Variants in SPI1 observed in about 807,000 individuals in gnomAD.
SPI1 encodes the protein Spi-1 proto-oncogene, also known as transcription factor PU.1.
A neutral mutation model predicts 30.7 loss-of-function variants in SPI1; 3 were observed. That is an observed-to-expected ratio of 0.10 (90% CI 0.04 to 0.25). The LOEUF is 0.25. SPI1 is among the 10% of genes least tolerant of loss of function. The pLI is 1.00. For synonymous variants in SPI1, 169 were observed against 157.1 expected (o/e 1.08, Z -0.56); for missense variants, 261 against 371.5 (o/e 0.70, Z 2.45).
At position 47,359,012 on chromosome 11, in the gene SPI1, C is replaced by T. The variant is rs757834036; in HGVS notation, c.331-6G>A. On this transcript the variant is annotated splice_region_variant and splice_polypyrimidine_tract_variant and intron_variant, in intron 3 of 4. Transcript: ENST00000378538. This position sits in a 1 kb window ranked among gnomAD's most constrained non-coding sequence, Gnocchi z 5.1. ...ATCCGGGGCAGGTAGGAGACCTGGA[C>T]GGTGGGGGAAGGAGATCAGAGTCAG... 7.8e-5 allele frequency: 118 copies of T among 1,522,030 alleles called. No homozygotes were observed. The highest frequency in any genetic ancestry group is 9.6e-5 in the Non-Finnish European group (109 of 1,136,804). The allele number at this position is 1,522,030 out of a possible 1,614,324, so 94.3% of individuals were successfully genotyped here.
At chr11:47,370,523 G>C (rs192176588) in intron 2 of SPI1, among the ~76,000 whole-genome samples, 5 of 151,370 alleles carry the variant, frequency 3.3e-5, no homozygotes, top group Non-Finnish European at 7.4e-5. Flanking sequence ...CCAACATGGC[G>C]AAACCCCATC....
At chr11:47,377,950 C>CA (rs2095944476) in intron 1 of SPI1, among the ~76,000 whole-genome samples, 1 of 152,222 alleles carries the variant, frequency 6.6e-6, no homozygotes, top group African/African-American at 2.4e-5. Context: ...CGGCCTCCCC[C>CA]AAGCCAGTCC....
At chr11:47,377,646 G>A (rs895550296) in intron 1 of SPI1, among the ~76,000 whole-genome samples, 1 of 151,926 alleles carries the variant, frequency 6.6e-6, no homozygotes, top group Non-Finnish European at 1.5e-5. Context: ...CCTTGTCCCA[G>A]CCCTGTCCCC....
At position 47,375,569 on chromosome 11, in the gene SPI1, C is replaced by T. The variant is rs2095941105; in HGVS notation, c.142+64G>A. On this transcript the variant is annotated intron_variant, in intron 2 of 4. Transcript: ENST00000378538. This position sits in a 1 kb window ranked among gnomAD's most constrained non-coding sequence, Gnocchi z 4.2. Reference sequence around the variant, plus strand: ...CCTGGGAATCATTTATTCTTTTTCTCTCTCCAGACCCCAGGAGCCCAGGCT... The same window carrying T: ...CCTGGGAATCATTTATTCTTTTTCTTTCTCCAGACCCCAGGAGCCCAGGCT... 4 of 1,244,854 alleles carry T rather than the reference C, an allele frequency of 3.2e-6. No homozygotes were observed. Among genetic ancestry groups the T allele is most frequent in the Non-Finnish European group, 4.7e-6 (4 of 853,908 alleles). The allele number at this position is 1,244,854 out of a possible 1,614,324, so 77.1% of individuals were successfully genotyped here.
intron 4 of SPI1, chr11:47,358,425 TTCA>T (rs1181360629): frequency 7.9e-6 from 5 of 631,658 alleles, no homozygotes; most frequent in Non-Finnish European, 1.4e-5. Context: ...CTGAAATACA[TTCA>T]TGTGTTGACA....
chr11:47,366,151 CAACT>C (rs2095927866), intron 2 of SPI1, among the ~76,000 whole-genome samples: 1 of 152,144 alleles, frequency 6.6e-6, no homozygotes. Flanking sequence ...ATTATCCATC[CAACT>C]ATCATCCAGC....
At position 47,378,464 on chromosome 11, in the gene SPI1, G is replaced by T; in HGVS notation, c.-111C>A. 1.7e-6 allele frequency: 2 copies of T among 1,163,680 alleles called. No individual in the cohort carries two copies. The highest frequency in any genetic ancestry group is 2.5e-6 in the Non-Finnish European group (2 of 802,782). The allele number at this position is 1,163,680 out of a possible 1,614,324, so 72.1% of individuals were successfully genotyped here. On this transcript the variant is annotated 5_prime_UTR_variant, in exon 1 of 5. Coordinates refer to ENST00000378538, the MANE Select transcript of SPI1 (RefSeq NM_003120.3). ...TGGACGGTCGTGGGGCGGGTGCAGG[G>T]CTCAGGCCTGCCCCCTGAGCTACAG...
intron 2 of SPI1, among the ~76,000 whole-genome samples, chr11:47,370,277 C>T (rs1300613351): frequency 2.0e-5 from 3 of 152,010 alleles, no homozygotes; most frequent in African/African-American, 7.3e-5. Context: ...GTGGCACACA[C>T]CTGTAATCCC....
At chr11:47,364,702 C>G (rs560915852) in intron 2 of SPI1, among the ~76,000 whole-genome samples, 3 of 152,266 alleles carry the variant, frequency 2.0e-5, no homozygotes, top group South Asian at 2.1e-4. Context: ...TGTTCTAGCT[C>G]CACATTAGAC....
In SPI1 at chr11:47,378,378, A is replaced by G; in HGVS notation, c.-25T>C. Reference sequence around the variant, plus strand: ...TCCAGCCGGGCTCCGAGTCGGTCAGATCCCCTGCCTCGGTGGGGGCCAATG... The same window carrying G: ...TCCAGCCGGGCTCCGAGTCGGTCAGGTCCCCTGCCTCGGTGGGGGCCAATG... On this transcript the variant is annotated 5_prime_UTR_variant, in exon 1 of 5. Coordinates refer to ENST00000378538, the MANE Select transcript of SPI1 (RefSeq NM_003120.3). The G allele has an allele frequency of 6.2e-7, 1 of 1,608,980 alleles. No individual in the cohort carries two copies. The highest frequency in any genetic ancestry group is 1.1e-5 in the South Asian group (1 of 90,064).
intron 2 of SPI1, among the ~76,000 whole-genome samples, chr11:47,369,500 A>C (rs893281527): frequency 1.3e-5 from 2 of 151,028 alleles, no homozygotes; most frequent in Non-Finnish European, 2.9e-5. Context: ...CAGTTGAATC[A>C]TGAGACATTG....
At chr11:47,368,145 C>T (rs751151204) in intron 2 of SPI1, among the ~76,000 whole-genome samples, 4 of 152,142 alleles carry the variant, frequency 2.6e-5, no homozygotes, top group Non-Finnish European at 4.4e-5. Context: ...ACGGGCAGAT[C>T]GCCTGAGGTC....
At chr11:47,367,371 T>A (rs2095929816) in intron 2 of SPI1, among the ~76,000 whole-genome samples, 1 of 151,946 alleles carries the variant, frequency 6.6e-6, no homozygotes, top group Non-Finnish European at 1.5e-5. Context: ...CTGGTCAACA[T>A]GGTGAAACCC....
At position 47,377,672 on chromosome 11, in the gene SPI1, T is replaced by C. The variant is rs187465005; in HGVS notation, c.45+637A>G. ...CCCTGTCCCCTGCCGCGCCTCTCCCTGAACTCCAGCCCTGGGGCCAGCCCT... is the reference window on the plus strand; with the variant it reads ...CCCTGTCCCCTGCCGCGCCTCTCCCCGAACTCCAGCCCTGGGGCCAGCCCT... On this transcript the variant is annotated intron_variant, in intron 1 of 4. Transcript: ENST00000378538. 7.7e-3 allele frequency among the ~76,000 whole-genome samples: 1,165 copies of C among 152,148 alleles called. 42 individuals are homozygous for C. Among genetic ancestry groups the C allele is most frequent in the Admixed American group, 0.065 (993 of 15,280 alleles).
At chr11:47,368,573 A>G (rs542736445) in intron 2 of SPI1, among the ~76,000 whole-genome samples, 1 of 152,372 alleles carries the variant, frequency 6.6e-6, no homozygotes, top group Admixed American at 6.5e-5. Flanking sequence ...ACAATGGAAT[A>G]TGATTCAACC....
intron 4 of SPI1, among the ~76,000 whole-genome samples, chr11:47,356,252 C>G (rs1235093175): frequency 6.6e-6 from 1 of 151,164 alleles, no homozygotes; most frequent in East Asian, 1.9e-4. Context: ...CCCCCACACA[C>G]TGGCACCCAC....
chr11:47,356,315 G>C (rs539378574), intron 4 of SPI1, among the ~76,000 whole-genome samples: 1 of 138,994 alleles, frequency 7.2e-6, no homozygotes, highest in East Asian at 2.2e-4. Flanking sequence ...AACCCACACT[G>C]CATCTGCTTA....
chr11:47,370,493 G>A (rs143880120), intron 2 of SPI1, among the ~76,000 whole-genome samples: 232 of 150,726 alleles, frequency 1.5e-3, no homozygotes, highest in Middle Eastern at 3.6e-3. Flanking sequence ...CACTAGGTCA[G>A]GAGTTCAAGA....
chr11:47,355,137 C>G lies in SPI1; in HGVS notation c.*90G>C. 2 of 1,087,428 alleles carry G rather than the reference C, an allele frequency of 1.8e-6. No homozygotes were observed. Among genetic ancestry groups the G allele is most frequent in the Non-Finnish European group, 1.2e-6 (1 of 855,894 alleles). The allele number at this position is 1,087,428 out of a possible 1,614,324, so 67.4% of individuals were successfully genotyped here. A position where few individuals can be genotyped will look rare whatever the true frequency, so the allele number is the denominator to read the frequency against. On this transcript the variant is annotated 3_prime_UTR_variant, in exon 5 of 5. Coordinates refer to ENST00000378538, the MANE Select transcript of SPI1 (RefSeq NM_003120.3). ...CCGCCACAGTCCTGCCTCTGGGCCCCGGGAGCGTCCTCCCTGTGTCCGGGC... is the reference window on the plus strand; with the variant it reads ...CCGCCACAGTCCTGCCTCTGGGCCCGGGGAGCGTCCTCCCTGTGTCCGGGC...
Sources: gnomAD v4.1 joint callset for allele counts (sites outside exome capture counted in the v4.1 genomes callset) on GRCh38, gnomAD v4.1.1 for gene constraint, Gnocchi (gnomAD v3.1) non-coding constraint, MANE v1.5 for transcripts, NCBI Gene and HGNC (gene_info 2026-07-23, HGNC 2026-07-21) for gene names.